The following ABLIM2 variants were observed in gnomAD, a reference collection of about 807,000 sequenced individuals.
The protein encoded by ABLIM2 is actin-binding LIM protein 2.
ABLIM2 carries 53 observed loss-of-function variants against 97.7 expected under a neutral mutation model. The ratio of observed to expected loss-of-function variants is 0.54; its 90% confidence interval spans 0.44 to 0.68. The LOEUF is 0.68. Ranked by LOEUF, ABLIM2 falls within the 30% of genes least tolerant of loss-of-function variation. ABLIM2 has a pLI of 0.00. For missense variants in ABLIM2, 835 were observed against 867.2 expected (o/e 0.96, Z 0.47); for synonymous variants, 361 against 345.8 (o/e 1.04, Z -0.49).
In ABLIM2 at chr4:8,019,598, C is replaced by A; in HGVS notation, c.1423+20G>T. ...AGGCATGCGGGGCAAACCACAGCAG[C>A]GGGAGGAATCCAACCGTACCATGCT... On this transcript the variant is annotated intron_variant, in intron 14 of 20. Transcript: ENST00000447017. This position sits in a 1 kb window ranked among gnomAD's most constrained non-coding sequence, Gnocchi z 4.3. 6.2e-7 allele frequency: 1 copy of A among 1,603,360 alleles called. No homozygotes were observed. The highest frequency in any genetic ancestry group is 1.1e-5 in the South Asian group (1 of 89,142).
Position 8,054,608 on chromosome 4 carries a change from C to G in ABLIM2, c.764-362G>C, listed in dbSNP as rs970783806. On this transcript the variant is annotated intron_variant, in intron 7 of 20. Transcript: ENST00000447017. This position sits in a 1 kb window ranked among gnomAD's most constrained non-coding sequence, Gnocchi z 4.9. ...GGGTATTTGAAGGGGTTTCAAGTCC[C>G]TGCCTAGGATGTAGGATTGGCTGCC... 6.6e-6 allele frequency among the ~76,000 whole-genome samples: 1 copy of G among 152,206 alleles called. No individual in the cohort carries two copies. Among genetic ancestry groups the G allele is most frequent in the Non-Finnish European group, 1.5e-5 (1 of 68,030 alleles).
intron 1 of ABLIM2, among the ~76,000 whole-genome samples, chr4:8,126,275 G>A (rs759968029): frequency 1.6e-4 from 25 of 152,160 alleles, no homozygotes; most frequent in Non-Finnish European, 3.1e-4. Flanking sequence ...ATGAGGCCCT[G>A]CTGGGCACCA....
At chr4:8,141,373 A>G (rs1850960322) in intron 1 of ABLIM2, among the ~76,000 whole-genome samples, 2 of 152,158 alleles carry the variant, frequency 1.3e-5, no homozygotes, top group Non-Finnish European at 2.9e-5. Context: ...TCCTCGGCAA[A>G]TCACAGCCAC....
chr4:8,155,141 G>A lies in ABLIM2; in HGVS notation c.10+3539C>T, dbSNP rs1207164199. ...GCCAGACCGTATCAGCTCATAGTAG[G>A]CATTTTGTGCATCTTTGCTGAATAA... is the stretch of plus-strand genomic sequence containing the variant. On this transcript the variant is annotated intron_variant, in intron 1 of 20. Coordinates refer to ENST00000447017, the MANE Select transcript of ABLIM2 (RefSeq NM_001130083.2). The surrounding 1 kb of genome is among the most constrained non-coding windows in gnomAD (Gnocchi z 4.2). 6.6e-6 allele frequency among the ~76,000 whole-genome samples: 1 copy of A among 152,184 alleles called. No homozygotes were observed. Among genetic ancestry groups the A allele is most frequent in the Non-Finnish European group, 1.5e-5 (1 of 68,034 alleles).
chr4:7,971,119 C>T (rs1282028748), intron 20 of ABLIM2, among the ~76,000 whole-genome samples: 1 of 152,104 alleles, frequency 6.6e-6, no homozygotes, highest in Non-Finnish European at 1.5e-5. Context: ...TCCACTGCCT[C>T]CTAGGTGAGA....
At chr4:8,006,566 G>C (rs1761437516) in intron 16 of ABLIM2, among the ~76,000 whole-genome samples, 1 of 152,226 alleles carries the variant, frequency 6.6e-6, no homozygotes, top group Admixed American at 6.5e-5. Flanking sequence ...CTGCCGAGCT[G>C]GTGCAAGAGG....
At chr4:8,006,988 A>T (rs1256700131) in intron 16 of ABLIM2, 3 of 982,396 alleles carry the variant, frequency 3.1e-6, no homozygotes, top group Non-Finnish European at 3.6e-6. Context: ...GGGTGCACAG[A>T]CACCTGCTTA....
rs547836231 is a variant in ABLIM2, at chr4:7,966,797, GTC to G, written c.*191_*192del. The G allele has an allele frequency of 7.0e-5, 40 of 572,312 alleles. No homozygotes were observed. Among genetic ancestry groups the G allele is most frequent in the East Asian group, 4.0e-4 (14 of 35,416 alleles). The allele number at this position is 572,312 out of a possible 1,614,324, so 35.5% of individuals were successfully genotyped here. A position where few individuals can be genotyped will look rare whatever the true frequency, so the allele number is the denominator to read the frequency against. On this transcript the variant is annotated 3_prime_UTR_variant, in exon 21 of 21. Coordinates refer to ENST00000447017, the MANE Select transcript of ABLIM2 (RefSeq NM_001130083.2). Reference sequence around the variant, plus strand: ...GGGGAAGGGTGGCGTGAAGCTAGCCGTCTCGGCCCTAAACTACCGGCAGGAGT... The same window carrying G: ...GGGGAAGGGTGGCGTGAAGCTAGCCGTCGGCCCTAAACTACCGGCAGGAGT...
rs546149231 is a variant in ABLIM2 at position 7,992,467 on chromosome 4, G to A, written c.1680+399C>T. ...AGGCCAGGGCATCCCCGAGAAGGAGGTGGGCACTTGGCTCACACTGGCTCA... is the reference window on the plus strand; with the variant it reads ...AGGCCAGGGCATCCCCGAGAAGGAGATGGGCACTTGGCTCACACTGGCTCA... On this transcript the variant is annotated intron_variant, in intron 17 of 20. Transcript: ENST00000447017. This position sits in a 1 kb window ranked among gnomAD's most constrained non-coding sequence, Gnocchi z 5.7. Among the ~76,000 whole-genome samples, 9 of 152,282 alleles carry A rather than the reference G, an allele frequency of 5.9e-5. No individual in the cohort carries two copies. In the South Asian group the frequency reaches 1.7e-3, roughly 28 times the overall value.
At chr4:8,027,522 C>T (rs769154844) in intron 12 of ABLIM2, among the ~76,000 whole-genome samples, 2 of 152,226 alleles carry the variant, frequency 1.3e-5, no homozygotes, top group African/African-American at 2.4e-5. Flanking sequence ...CTTCCTGTAG[C>T]TTTCCAAGCC....
At chr4:8,152,005 G>A (rs547386948) in intron 1 of ABLIM2, among the ~76,000 whole-genome samples, 1 of 152,256 alleles carries the variant, frequency 6.6e-6, no homozygotes, top group African/African-American at 2.4e-5. Context: ...ATAGGAGGCG[G>A]GTTTGGGTCT....
At chr4:8,038,009 C>T (rs1452360085) in intron 9 of ABLIM2, among the ~76,000 whole-genome samples, 1 of 152,178 alleles carries the variant, frequency 6.6e-6, no homozygotes, top group African/African-American at 2.4e-5. Flanking sequence ...TCTGGGCTCC[C>T]CAGGAGCTGC....
intron 20 of ABLIM2, among the ~76,000 whole-genome samples, chr4:7,971,581 T>A (rs1463681390): frequency 6.6e-6 from 1 of 152,054 alleles, no homozygotes; most frequent in Non-Finnish European, 1.5e-5. Flanking sequence ...GGGAGCCAGG[T>A]TAGGTGGCTT....
chr4:8,046,876 G>T lies in ABLIM2; in HGVS notation c.823-1635C>A, dbSNP rs1281788483. 6.6e-6 allele frequency among the ~76,000 whole-genome samples: 1 copy of T among 152,190 alleles called. No homozygotes were observed. The highest frequency in any genetic ancestry group is 1.5e-5 in the Non-Finnish European group (1 of 68,044). On this transcript the variant is annotated intron_variant, in intron 8 of 20. Transcript: ENST00000447017. The surrounding 1 kb of genome is among the most constrained non-coding windows in gnomAD (Gnocchi z 4.4). ...GTCCATGTGGAGGCACAGGGAGAAG[G>T]CAGCATCTACGAGCCAACGAGGGAG... is the stretch of plus-strand genomic sequence containing the variant.
intron 1 of ABLIM2, among the ~76,000 whole-genome samples, chr4:8,151,955 A>C (rs1319333882): frequency 2.0e-5 from 3 of 152,074 alleles, no homozygotes; most frequent in African/African-American, 7.2e-5. Context: ...TCTGAGGGTG[A>C]GTCACAGAGG....
intron 16 of ABLIM2, among the ~76,000 whole-genome samples, chr4:7,994,767 C>CCTGACTTTTTAATGATTGCCATT (rs2150026868): frequency 8.8e-6 from 1 of 113,784 alleles, no homozygotes; most frequent in Non-Finnish European, 2.1e-5. Flanking sequence ...CCTGTTGTTT[C>CCTGACTTTTTAATGATTGCCATT]CTGACTTCAT....
At chr4:8,065,651 C>T (rs191276812) in intron 6 of ABLIM2, among the ~76,000 whole-genome samples, 19 of 152,262 alleles carry the variant, frequency 1.2e-4, no homozygotes, top group African/African-American at 4.3e-4. Context: ...TGGCTGGGCA[C>T]AGTGGCTCAA....
Position 8,083,874 on chromosome 4 carries a change from CA to C in ABLIM2, c.455-3073del. 6.6e-6 allele frequency among the ~76,000 whole-genome samples: 1 copy of C among 152,152 alleles called. No individual in the cohort carries two copies. Among genetic ancestry groups the C allele is most frequent in the Non-Finnish European group, 1.5e-5 (1 of 68,018 alleles). On this transcript the variant is annotated intron_variant, in intron 4 of 20. Transcript: ENST00000447017. This position sits in a 1 kb window ranked among gnomAD's most constrained non-coding sequence, Gnocchi z 4.6. ...GAACCTTCCACTTTCCTATTTTCCC[CA>C]AAAGGCTCCCTCTTCCACAAGATGT...
chr4:8,134,058 C>T (rs374966824), intron 1 of ABLIM2, among the ~76,000 whole-genome samples: 207 of 152,268 alleles, frequency 1.4e-3, no homozygotes, highest in African/African-American at 4.6e-3. Flanking sequence ...TGGGCACAGG[C>T]GGGCGGATGG....
Sources: gnomAD v4.1 joint callset for allele counts (sites outside exome capture counted in the v4.1 genomes callset) on GRCh38, gnomAD v4.1.1 for gene constraint, Gnocchi (gnomAD v3.1) non-coding constraint, MANE v1.5 for transcripts, NCBI Gene and HGNC (gene_info 2026-07-23, HGNC 2026-07-21) for gene names.